TTLL3: variants seen among roughly 807,000 people sequenced by gnomAD.
The protein encoded by TTLL3 is tubulin tyrosine ligase like 3.
Under a neutral mutation model 75.2 loss-of-function variants are expected in TTLL3, and 63 were observed. The ratio of observed to expected loss-of-function variants is 0.84; its 90% CI spans 0.68 to 1.03. The LOEUF (loss-of-function observed/expected upper bound fraction) is 1.03, where lower values mean the gene tolerates loss of function less well. TTLL3 is among the 50% of genes least tolerant of loss of function. The pLI, the probability that TTLL3 is intolerant of heterozygous loss-of-function variation, is 0.00. For synonymous variants in TTLL3, 393 were observed against 418.5 expected (o/e 0.94, Z 0.74); for missense variants, 997 against 1,069.9 (o/e 0.93, Z 0.95).
chr3:9,835,428 T>TCAA lies in TTLL3; in HGVS notation c.2387_2388insCAA (p.Val796_Gly797insAsn). 1.2e-6 allele frequency: 2 copies of TCAA among 1,612,722 alleles called. No individual in the cohort carries two copies. The highest frequency in any genetic ancestry group is 8.5e-7 in the Non-Finnish European group (1 of 1,179,950). On this transcript the variant is annotated inframe_insertion, in exon 14 of 14. Transcript: ENST00000685419. The stretch of plus-strand genomic sequence containing the variant: ...TATTTGGGGCTTGACTCCATTGCTG[T>TCAA]TGGAGGGTCAAGAGTGGATGGGGCG...
chr3:9,823,413 T>TG (rs894863906), intron 8 of TTLL3, among the ~76,000 whole-genome samples: 5 of 151,224 alleles, frequency 3.3e-5, no homozygotes, highest in East Asian at 1.9e-4. Flanking sequence ...TTTTTTTTTT[T>TG]TTTTTTTTTT....
At chr3:9,828,936 T>C in intron 10 of TTLL3, 24 bp from the exon 11 acceptor site, 1 of 1,611,962 alleles carries the variant, frequency 6.2e-7, no homozygotes, top group Non-Finnish European at 8.5e-7. Context: ...GGCCTGGACC[T>C]CAGTTTTCTG....
At chr3:9,813,905 C>T (rs972491945) in intron 4 of TTLL3, among the ~76,000 whole-genome samples, 10 of 152,136 alleles carry the variant, frequency 6.6e-5, no homozygotes, top group African/African-American at 1.9e-4. Context: ...GATGCCAGCA[C>T]AGCCGCCATG....
At chr3:9,826,064 T>G in intron 9 of TTLL3, 116 bp downstream of exon 9, 2 of 1,456,332 alleles carry the variant, frequency 1.4e-6, no homozygotes, top group East Asian at 2.5e-5. Context: ...GTTTGAGTCC[T>G]AGCTCTGCTA....
At chr3:9,832,737 G>A (rs1222849495) in intron 11 of TTLL3, among the ~76,000 whole-genome samples, 10 of 152,340 alleles carry the variant, frequency 6.6e-5, no homozygotes, top group Non-Finnish European at 1.0e-4. Flanking sequence ...TCTGGGTGGC[G>A]TAACTCAAAT....
intron 11 of TTLL3, 40 bp from the exon 12 acceptor site, chr3:9,833,064 C>T: frequency 6.2e-7 from 1 of 1,611,882 alleles, no homozygotes; most frequent in Non-Finnish European, 8.5e-7. Flanking sequence ...ATTCCAGTAC[C>T]ACTGACTGAG....
intron 4 of TTLL3, among the ~76,000 whole-genome samples, chr3:9,813,863 C>G (rs2079570237): frequency 6.6e-6 from 1 of 152,044 alleles, no homozygotes; most frequent in African/African-American, 2.4e-5. Flanking sequence ...TCCCATCTGG[C>G]CTGGGATTCA....
At chr3:9,824,016 T>G (rs1185067042) in intron 8 of TTLL3, among the ~76,000 whole-genome samples, 1 of 152,208 alleles carries the variant, frequency 6.6e-6, no homozygotes, top group African/African-American at 2.4e-5. Flanking sequence ...AACCGTTCAT[T>G]CATTGAGCAA....
chr3:9,811,729 A>G (rs535180993), intron 2 of TTLL3, among the ~76,000 whole-genome samples: 1 of 152,186 alleles, frequency 6.6e-6, no homozygotes. Flanking sequence ...GCCACTGCCT[A>G]CCTCCTCTGG....
chr3:9,820,050 T>C (rs2080264603), intron 7 of TTLL3: 2 of 990,170 alleles, frequency 2.0e-6, no homozygotes, highest in African/African-American at 3.5e-5. Flanking sequence ...GTCAGGGCCT[T>C]GTGCAGTAAC....
chr3:9,815,183 G>C (rs928017908), intron 4 of TTLL3, among the ~76,000 whole-genome samples: 3 of 151,124 alleles, frequency 2.0e-5, no homozygotes, highest in African/African-American at 7.3e-5. Flanking sequence ...GGAGCTTGCA[G>C]TGAGCCAAGA....
At chr3:9,818,661 A>C in intron 6 of TTLL3, 161 bp from the exon 7 acceptor site, 1 of 1,489,606 alleles carries the variant, frequency 6.7e-7, no homozygotes, top group Admixed American at 2.2e-5. Flanking sequence ...AGCCACCGTG[A>C]CCAGCCTGAA....
chr3:9,812,935 C>T lies in TTLL3; in HGVS notation c.49-8C>T, dbSNP rs1027367104. Reference sequence around the variant, plus strand: ...TTATTGAAGAAGTATCCTTCTCTCACATTGCAGCAGAAGAAGATCTTTACA... The same window carrying T: ...TTATTGAAGAAGTATCCTTCTCTCATATTGCAGCAGAAGAAGATCTTTACA... On this transcript the variant is annotated splice_region_variant and splice_polypyrimidine_tract_variant and intron_variant, in intron 2 of 13. Transcript: ENST00000685419. 1.3e-6 allele frequency: 2 copies of T among 1,493,894 alleles called. No homozygotes were observed. Among genetic ancestry groups the T allele is most frequent in the Middle Eastern group, 3.6e-4 (2 of 5,516 alleles). 92.5% of individuals were successfully genotyped at this position (1,493,894 alleles called of 1,614,324 possible).
chr3:9,813,333 A>G lies in TTLL3; in HGVS notation c.303A>G (p.Thr101=), dbSNP rs2079521622. 2 of 1,614,202 alleles carry G rather than the reference A, an allele frequency of 1.2e-6. No individual in the cohort carries two copies. Among genetic ancestry groups the G allele is most frequent in the East Asian group, 4.5e-5 (2 of 44,890 alleles). ...DLLKFDDLDG[T]HALMSRMVQN... The stretch of plus-strand genomic sequence containing the variant: ...TGAAATTTGATGACCTAGATGGAAC[A>G]CATGCTCTGATGGTGAGGGCCCTGG... Residue 101 remains threonine, a synonymous_variant, in exon 4 of 14, where the codon ACA becomes ACG. Coordinates refer to ENST00000685419, the MANE Select transcript of TTLL3 (RefSeq NM_001387446.1).
chr3:9,831,487 A>C (rs1186214335), intron 11 of TTLL3, among the ~76,000 whole-genome samples: 2 of 152,156 alleles, frequency 1.3e-5, no homozygotes, highest in Non-Finnish European at 2.9e-5. Context: ...AGTGCTGCTG[A>C]GTTTGACTGT....
chr3:9,813,385 G>A, intron 4 of TTLL3, 40 bp downstream of exon 4: 1 of 1,609,810 alleles, frequency 6.2e-7, no homozygotes, highest in Non-Finnish European at 8.5e-7. Context: ...GGGACTGCCT[G>A]CTTAGAGGGA....
Position 9,813,203 on chromosome 3 carries a change from G to A in TTLL3, c.218-45G>A, listed in dbSNP as rs761892499. 4 of 1,614,014 alleles carry A rather than the reference G, an allele frequency of 2.5e-6. No homozygotes were observed. The South Asian group carries it at 4.4e-5, about 18-fold the overall frequency. Reference sequence around the variant, plus strand: ...CAGAGTTGAGGCCTTATGGGCTATGGGTCAGGGAGAGGAAACTCATCAGCT... The same window carrying A: ...CAGAGTTGAGGCCTTATGGGCTATGAGTCAGGGAGAGGAAACTCATCAGCT... On this transcript the variant is annotated intron_variant, in intron 3 of 13. Transcript: ENST00000685419.
intron 5 of TTLL3, 57 bp from the exon 6 acceptor site, chr3:9,817,588 G>A: frequency 6.2e-7 from 1 of 1,612,694 alleles, no homozygotes; most frequent in East Asian, 2.2e-5. Flanking sequence ...TGAACTGTCT[G>A]GGTGTGTGGT....
rs748577441 is a variant in TTLL3, at chr3:9,827,102, CCCT to C, written c.1114_1116del (p.Leu372del). The C allele has an allele frequency of 1.9e-5, 31 of 1,614,176 alleles. No homozygotes were observed. The South Asian group carries it at 3.2e-4, about 17-fold the overall frequency. Reference sequence around the variant, plus strand: ...GTGGTGCAGAAGTATATTGAGCGGCCCCTCCTCATCTTTGGCACCAAGTTTGAC... The same window carrying C: ...GTGGTGCAGAAGTATATTGAGCGGCCCCTCATCTTTGGCACCAAGTTTGAC... On this transcript the variant is annotated inframe_deletion, in exon 10 of 14. Coordinates refer to ENST00000685419, the MANE Select transcript of TTLL3 (RefSeq NM_001387446.1).
Sources: allele counts gnomAD v4.1 joint callset (sites outside exome capture counted in the v4.1 genomes callset), GRCh38; gene constraint gnomAD v4.1.1; transcripts MANE v1.5; gene names NCBI Gene and HGNC (gene_info 2026-07-23, HGNC 2026-07-21).